Variants in ZNF827 observed in about 807,000 individuals in gnomAD.
ZNF827 encodes zinc finger protein 827.
ZNF827 carries 13 observed loss-of-function variants against 102.4 expected under a neutral mutation model. That is an observed-to-expected ratio of 0.13 (90% CI 0.08 to 0.20). The LOEUF is 0.20. Among genes scored for constraint, ZNF827 ranks in the 10% least tolerant of loss-of-function variants. The pLI is 1.00. For missense variants in ZNF827, 1,103 were observed against 1,344.4 expected (o/e 0.82, Z 2.81); for synonymous variants, 523 against 536.2 (o/e 0.98, Z 0.34).
chr4:145,894,977 C>G (rs749056867), intron 2 of ZNF827, among the ~76,000 whole-genome samples: 1 of 152,140 alleles, frequency 6.6e-6, no homozygotes, highest in Admixed American at 6.6e-5. Flanking sequence ...TTGTCATACA[C>G]TACAGGGAAA....
At chr4:145,858,698 G>T (rs1171067030) in intron 5 of ZNF827, among the ~76,000 whole-genome samples, 2 of 150,076 alleles carry the variant, frequency 1.3e-5, no homozygotes, top group Non-Finnish European at 3.0e-5. Flanking sequence ...GAAAGATTCA[G>T]TAGAATCCCT....
At chr4:145,807,633 A>G (rs903329024) in intron 8 of ZNF827, among the ~76,000 whole-genome samples, 2 of 151,910 alleles carry the variant, frequency 1.3e-5, no homozygotes, top group South Asian at 2.1e-4. Context: ...CACCACGCCC[A>G]GCTAATTTTT....
chr4:145,890,497 T>G (rs558959954), intron 3 of ZNF827, among the ~76,000 whole-genome samples: 8 of 152,294 alleles, frequency 5.3e-5, no homozygotes, highest in African/African-American at 1.9e-4. Context: ...TTGAAAACCC[T>G]GCTTTTTTTC....
chr4:145,882,858 C>T (rs946735729), intron 4 of ZNF827, among the ~76,000 whole-genome samples: 3 of 152,136 alleles, frequency 2.0e-5, no homozygotes, highest in Non-Finnish European at 4.4e-5. Context: ...ACAATGGCGC[C>T]GTTATAACGC....
At chr4:145,842,006 A>G (rs950792694) in intron 7 of ZNF827, among the ~76,000 whole-genome samples, 4 of 152,154 alleles carry the variant, frequency 2.6e-5, no homozygotes, top group Non-Finnish European at 2.9e-5. Context: ...ATCTACAGGG[A>G]GGGGGAAGTA....
At chr4:145,842,392 C>T (rs967531635) in intron 7 of ZNF827, among the ~76,000 whole-genome samples, 11 of 152,290 alleles carry the variant, frequency 7.2e-5, no homozygotes, top group East Asian at 1.9e-4. Context: ...CCGTGGACTT[C>T]GTGTTCTCTT....
In ZNF827 at chr4:145,892,223, G is replaced by A. The variant is rs200414329; in HGVS notation, c.1266+20C>T. On this transcript the variant is annotated intron_variant, in intron 3 of 14. Transcript: ENST00000508784. Reference sequence around the variant, plus strand: ...GGCTGTGCCTGCCTCTCCAGGAGGTGCAGTCGGTAGGTGGCTTACCTTCAT... The same window carrying A: ...GGCTGTGCCTGCCTCTCCAGGAGGTACAGTCGGTAGGTGGCTTACCTTCAT... The A allele has an allele frequency of 1.5e-5, 24 of 1,590,746 alleles. No individual in the cohort carries two copies. In the East Asian group the frequency reaches 4.5e-4, roughly 30 times the overall value.
chr4:145,879,671 G>C (rs1306251138), intron 4 of ZNF827, among the ~76,000 whole-genome samples: 2 of 152,180 alleles, frequency 1.3e-5, no homozygotes, highest in African/African-American at 2.4e-5. Context: ...ACAGTACGCT[G>C]TGAAGCTCTA....
intron 7 of ZNF827, among the ~76,000 whole-genome samples, chr4:145,843,754 G>A (rs946084945): frequency 8.5e-5 from 13 of 152,178 alleles, no homozygotes; most frequent in African/African-American, 2.9e-4. Context: ...AGTGAGAACC[G>A]CTGTCCCCAT....
In ZNF827 at chr4:145,762,362, T is replaced by C. The variant is rs1444228133; in HGVS notation, c.*17+728A>G. On this transcript the variant is annotated intron_variant, in intron 14 of 14. Transcript: ENST00000508784. This position sits in a 1 kb window ranked among gnomAD's most constrained non-coding sequence, Gnocchi z 4.9. ...AGGAGGGAGGGAGACAACTGCTATC[T>C]GGAGCTCGAAGACATTATTAATACA... Among the ~76,000 whole-genome samples, 2 of 152,220 alleles carry C rather than the reference T, an allele frequency of 1.3e-5. No homozygotes were observed. The highest frequency in any genetic ancestry group is 2.9e-5 in the Non-Finnish European group (2 of 68,038).
chr4:145,787,292 G>A (rs965084811), intron 8 of ZNF827, among the ~76,000 whole-genome samples: 6 of 152,048 alleles, frequency 3.9e-5, no homozygotes, highest in African/African-American at 9.6e-5. Flanking sequence ...GTGACACCCC[G>A]TCTCTACTAA....
At chr4:145,866,548 T>G (rs937145259) in intron 5 of ZNF827, among the ~76,000 whole-genome samples, 2 of 152,248 alleles carry the variant, frequency 1.3e-5, no homozygotes, top group African/African-American at 4.8e-5. Context: ...GCACAGAAAT[T>G]TTTAAAACCA....
intron 1 of ZNF827, among the ~76,000 whole-genome samples, chr4:145,926,520 T>C (rs1461199867): frequency 1.3e-5 from 2 of 152,218 alleles, no homozygotes; most frequent in African/African-American, 4.8e-5. Context: ...CTGAATTCCA[T>C]ACTTAAATTC....
At chr4:145,872,653 G>C (rs1748802432) in intron 4 of ZNF827, among the ~76,000 whole-genome samples, 2 of 152,094 alleles carry the variant, frequency 1.3e-5, no homozygotes, top group South Asian at 4.1e-4. Flanking sequence ...GAAGCAGGCA[G>C]ATCACTTGAG....
intron 1 of ZNF827, among the ~76,000 whole-genome samples, chr4:145,925,528 T>TCTGTGAGCCACA (rs1274549693): frequency 1.4e-4 from 22 of 152,198 alleles, no homozygotes; most frequent in Non-Finnish European, 2.5e-4. Context: ...CAGCAGAGGT[T>TCTGTGAGCCACA]GCATCCTACA....
intron 1 of ZNF827, among the ~76,000 whole-genome samples, chr4:145,909,820 C>T (rs1009828322): frequency 5.9e-5 from 9 of 152,228 alleles, no homozygotes; most frequent in Non-Finnish European, 1.2e-4. Flanking sequence ...AGCCTTAGCA[C>T]ATCCCCCACA....
chr4:145,930,781 C>T (rs535199274), intron 1 of ZNF827, among the ~76,000 whole-genome samples: 5 of 152,234 alleles, frequency 3.3e-5, no homozygotes, highest in African/African-American at 1.2e-4. Flanking sequence ...AGATCGTGGG[C>T]GCGTATCACT....
chr4:145,878,379 T>C lies in ZNF827; in HGVS notation c.1747+7299A>G, dbSNP rs113446436. On this transcript the variant is annotated intron_variant, in intron 4 of 14. Transcript: ENST00000508784. The stretch of plus-strand genomic sequence containing the variant: ...TGAGCTGGTGAAGACTGTTAACAGT[T>C]TTCTTAAGAGAAGTGGAGAGATAGT... Among the ~76,000 whole-genome samples the C allele has an allele frequency of 3.5e-3, 531 of 152,134 alleles. 5 individuals are homozygous for C. Among genetic ancestry groups the C allele is most frequent in the African/African-American group, 9.3e-3 (388 of 41,500 alleles).
chr4:145,882,659 G>A (rs1305740194), intron 4 of ZNF827, among the ~76,000 whole-genome samples: 1 of 152,170 alleles, frequency 6.6e-6, no homozygotes, highest in Non-Finnish European at 1.5e-5. Flanking sequence ...AGGCAAGAAA[G>A]CATCAAGTGT....
Sources: allele counts gnomAD v4.1 joint callset (sites outside exome capture counted in the v4.1 genomes callset), GRCh38; gene constraint gnomAD v4.1.1; non-coding constraint Gnocchi (gnomAD v3.1); transcripts MANE v1.5; gene names NCBI Gene and HGNC (gene_info 2026-07-23, HGNC 2026-07-21).